PTGIR: variants seen among roughly 807,000 people sequenced by gnomAD.
PTGIR encodes prostaglandin I2 receptor, also known as prostacyclin receptor.
A neutral mutation model predicts 17.6 loss-of-function variants in PTGIR; 16 were observed. That is an observed-to-expected ratio of 0.91 (90% CI 0.61 to 1.38). The LOEUF (loss-of-function observed/expected upper bound fraction) is 1.38. Ranked by LOEUF, PTGIR falls within the 40% of genes most tolerant of loss-of-function variation. PTGIR has a pLI of 0.00. For missense variants in PTGIR, 532 were observed against 548.6 expected (o/e 0.97, Z 0.30); for synonymous variants, 274 against 255.4 (o/e 1.07, Z -0.69).
chr19:46,621,209 A>G lies in PTGIR; in HGVS notation c.*71T>C. On this transcript the variant is annotated 3_prime_UTR_variant, in exon 3 of 3. Transcript: ENST00000291294. The surrounding 1 kb of genome is among the most constrained non-coding windows in gnomAD (Gnocchi z 4.8). ...CAAGGTTCCAGCATCCGCAGCCATC[A>G]GCCATGTCCCTGATTTTCTGGCTCC... is the stretch of plus-strand genomic sequence containing the variant. The G allele has an allele frequency of 6.9e-7, 1 of 1,452,220 alleles. No homozygotes were observed. The highest frequency in any genetic ancestry group is 9.1e-7 in the Non-Finnish European group (1 of 1,098,908). 90.0% of individuals were successfully genotyped at this position (1,452,220 alleles called of 1,614,324 possible).
Position 46,621,459 on chromosome 19 carries a change from A to G in PTGIR, c.982T>C (p.Ser328Pro). The G allele has an allele frequency of 6.2e-7, 1 of 1,613,880 alleles. No homozygotes were observed. The highest frequency in any genetic ancestry group is 8.5e-7 in the Non-Finnish European group (1 of 1,179,924). The part of the protein sequence containing the change: ...DSQTPLSQLA[S>P]GRRDPRAPSA... Reference sequence around the variant, plus strand: ...GGGGCCCTTGGGTCCCTCCTCCCTGAGGCGAGCTGGGAAAGGGGTGTCTGC... The same window carrying G: ...GGGGCCCTTGGGTCCCTCCTCCCTGGGGCGAGCTGGGAAAGGGGTGTCTGC... The change falls in exon 3 of 3, where the codon TCA (serine) becomes CCA (proline). Residue 328 changes from serine to proline, a missense_variant. Physicochemically the swap from Ser to Pro is moderately conservative, Grantham distance 74 (BLOSUM62 -1). Coordinates refer to ENST00000291294, the MANE Select transcript of PTGIR (RefSeq NM_000960.4). The surrounding 1 kb of genome is among the most constrained non-coding windows in gnomAD (Gnocchi z 4.8).
At chr19:46,615,040 T>A in the PTGIR span, among the ~76,000 whole-genome samples, 1 of 151,598 alleles carries the variant, frequency 6.6e-6, no homozygotes, top group African/African-American at 2.4e-5. Flanking sequence ...CCAAAAAAAA[T>A]TAGCCAGGTG....
the PTGIR span, among the ~76,000 whole-genome samples, chr19:46,611,495 CAAA>C: frequency 1.3e-5 from 2 of 152,202 alleles, no homozygotes; most frequent in South Asian, 4.1e-4. Context: ...AGATCTGAAA[CAAA>C]AAGCCCAAAA....
chr19:46,622,984 T>TA (rs1568678971), intron 2 of PTGIR: 4 of 147,386 alleles, frequency 2.7e-5, no homozygotes, highest in Admixed American at 1.3e-4. Context: ...TTTCTTATTT[T>TA]TTTTTTTTTT....
chr19:46,617,414 A>G (rs574404300), downstream of PTGIR, among the ~76,000 whole-genome samples: 5 of 151,936 alleles, frequency 3.3e-5, no homozygotes, highest in African/African-American at 9.7e-5. Context: ...GACAGTGTAG[A>G]CACCCAGGTC....
At chr19:46,623,153 T>A (rs556926934) in intron 2 of PTGIR, 1 of 212,916 alleles carries the variant, frequency 4.7e-6, no homozygotes, top group East Asian at 1.1e-4. Context: ...GGCTACTTTT[T>A]ATTTATTTAT....
rs1369716723 is a variant in PTGIR at position 46,623,690 on chromosome 19, G to A, written c.536C>T (p.Pro179Leu). The change falls in exon 2 of 3, where the codon CCG (proline) becomes CTG (leucine). Residue 179 changes from proline to leucine, a missense_variant. Pro to Leu is a moderately conservative substitution (Grantham distance 98, BLOSUM62 -3). Coordinates refer to ENST00000291294, the MANE Select transcript of PTGIR (RefSeq NM_000960.4). ...GGCCAGCGAGAAGGCGGCGCCGCCC[G>A]GCTGGGCCCAGCGCATGCGGAGGAA... ...WCFLRMRWAQ[P>L]GGAAFSLAYA... 6.4e-7 allele frequency: 1 copy of A among 1,557,406 alleles called. No individual in the cohort carries two copies. Among genetic ancestry groups the A allele is most frequent in the Non-Finnish European group, 8.7e-7 (1 of 1,154,676 alleles).
Position 46,623,567 on chromosome 19 carries a change from T to C in PTGIR, c.659A>G (p.His220Arg). The C allele has an allele frequency of 6.4e-7, 1 of 1,553,236 alleles. No homozygotes were observed. The highest frequency in any genetic ancestry group is 8.7e-7 in the Non-Finnish European group (1 of 1,148,304). Residue 220 changes from histidine (H) to arginine (R), a missense_variant, in exon 2 of 3, where the codon CAC (histidine) becomes CGC (arginine). Transcript: ENST00000291294. Reference protein sequence around the residue: ...LCRMYRQQKRHQGSLGPRPRT... With the variant: ...LCRMYRQQKRRQGSLGPRPRT... Reference sequence around the variant, plus strand: ...CGGCCGTGGACCCAGAGAGCCCTGGTGGCGCTTCTGCTGGCGGTACATGCG... The same window carrying C: ...CGGCCGTGGACCCAGAGAGCCCTGGCGGCGCTTCTGCTGGCGGTACATGCG...
chr19:46,618,723 C>G (rs758578745), downstream of PTGIR, among the ~76,000 whole-genome samples: 1 of 152,084 alleles, frequency 6.6e-6, no homozygotes. Context: ...GTTGAGCAAC[C>G]CTCACTACTA....
At chr19:46,612,125 G>T in the PTGIR span, among the ~76,000 whole-genome samples, 1 of 152,246 alleles carries the variant, frequency 6.6e-6, no homozygotes, top group Non-Finnish European at 1.5e-5. Context: ...ACCTGGTTGT[G>T]GCTTGGCATT....
At chr19:46,611,101 G>C in the PTGIR span, among the ~76,000 whole-genome samples, 1 of 152,240 alleles carries the variant, frequency 6.6e-6, no homozygotes, top group Non-Finnish European at 1.5e-5. Context: ...GGTCAGCCCA[G>C]TCAGGTGGCA....
rs536309047 is a variant in PTGIR at position 46,621,438 on chromosome 19, C to T, written c.1003G>A (p.Ala335Thr). Residue 335 changes from alanine to threonine, a missense_variant, in exon 3 of 3, where the codon GCC becomes ACC. By Grantham distance (58) the Ala-to-Thr change is moderately conservative. Transcript: ENST00000291294. The surrounding 1 kb of genome is among the most constrained non-coding windows in gnomAD (Gnocchi z 4.8). Reference protein sequence around the residue: ...QLASGRRDPRAPSAPVGKEGS... With the variant: ...QLASGRRDPRTPSAPVGKEGS... ...TCCTTTCCCACAGGAGCAGAGGGGG[C>T]CCTTGGGTCCCTCCTCCCTGAGGCG... 2.9e-5 allele frequency: 47 copies of T among 1,613,530 alleles called. 1 individual carries two copies. In the South Asian group the frequency reaches 5.2e-4, roughly 18 times the overall value.
downstream of PTGIR, among the ~76,000 whole-genome samples, chr19:46,616,326 CTTTTTTTTTTTTT>C (rs1021116711): frequency 1.5e-5 from 1 of 66,574 alleles, no homozygotes; most frequent in African/African-American, 7.3e-5. Flanking sequence ...GACAGAAATG[CTTTTTTTTTTTTT>C]TTTTTTTTTT....
At chr19:46,619,263 TGGGA>T (rs1310990920), downstream of PTGIR, among the ~76,000 whole-genome samples, 20 of 151,716 alleles carry the variant, frequency 1.3e-4, no homozygotes, top group African/African-American at 4.8e-4. Flanking sequence ...GAGGCTGAGG[TGGGA>T]GGATCACTTG....
In PTGIR at chr19:46,623,691, G is replaced by T; in HGVS notation, c.535C>A (p.Pro179Thr). Reference protein sequence around the residue: ...WCFLRMRWAQPGGAAFSLAYA... With the variant: ...WCFLRMRWAQTGGAAFSLAYA... ...GCCAGCGAGAAGGCGGCGCCGCCCG[G>T]CTGGGCCCAGCGCATGCGGAGGAAG... Residue 179 changes from proline to threonine, a missense_variant, in exon 2 of 3, where the codon CCG becomes ACG. Physicochemically the swap from Pro to Thr is conservative, Grantham distance 38. Transcript: ENST00000291294. The T allele has an allele frequency of 1.3e-6, 2 of 1,557,792 alleles. No individual in the cohort carries two copies. The highest frequency in any genetic ancestry group is 1.7e-6 in the Non-Finnish European group (2 of 1,155,018).
chr19:46,615,987 C>T (rs564308090), downstream of PTGIR, among the ~76,000 whole-genome samples: 80 of 151,532 alleles, frequency 5.3e-4, no homozygotes, highest in South Asian at 6.1e-3. Context: ...TTTTCTGTAG[C>T]GAAGAGGTTT....
downstream of PTGIR, among the ~76,000 whole-genome samples, chr19:46,617,210 G>A (rs889881608): frequency 5.9e-5 from 9 of 152,204 alleles, no homozygotes; most frequent in Non-Finnish European, 8.8e-5. Context: ...TCCAGGTGGC[G>A]CCTGAGCCCT....
chr19:46,611,320 GGCAGGCCCT>G, the PTGIR span, among the ~76,000 whole-genome samples: 1 of 152,154 alleles, frequency 6.6e-6, no homozygotes, highest in East Asian at 1.9e-4. Context: ...GGAAGGCAGG[GGCAGGCCCT>G]GCAGTGGGTG....
chr19:46,618,591 G>A (rs898100275), downstream of PTGIR, among the ~76,000 whole-genome samples: 3 of 152,134 alleles, frequency 2.0e-5, no homozygotes, highest in Non-Finnish European at 4.4e-5. Flanking sequence ...GAATCACCTC[G>A]CCCTGCCTAC....
Sources: gnomAD v4.1 joint callset for allele counts (sites outside exome capture counted in the v4.1 genomes callset) on GRCh38, gnomAD v4.1.1 for gene constraint, Gnocchi (gnomAD v3.1) non-coding constraint, MANE v1.5 for transcripts, NCBI Gene and HGNC (gene_info 2026-07-23, HGNC 2026-07-21) for gene names.